NRG3: variants seen among roughly 807,000 people sequenced by gnomAD.
NRG3 encodes the protein pro-neuregulin-3, membrane-bound isoform.
A neutral mutation model predicts 66.9 loss-of-function variants in NRG3; 31 were observed. The observed-to-expected ratio is 0.46, with a 90% CI of 0.35 to 0.63. The LOEUF (loss-of-function observed/expected upper bound fraction) is 0.63, where lower values mean the gene tolerates loss of function less well. Ranked by LOEUF, NRG3 falls within the 20% of genes least tolerant of loss-of-function variation. The pLI, the probability that NRG3 is intolerant of heterozygous loss-of-function variation, is 0.00. For missense variants in NRG3, 910 were observed against 878.9 expected (o/e 1.04, Z -0.45); for synonymous variants, 393 against 359.4 (o/e 1.09, Z -1.06).
At chr10:82,367,145 C>T (rs147712608) in intron 2 of NRG3, among the ~76,000 whole-genome samples, 14 of 152,156 alleles carry the variant, frequency 9.2e-5, no homozygotes, top group East Asian at 1.9e-4. Flanking sequence ...CACACGGAGA[C>T]GTGCACACAC....
At chr10:82,815,915 C>A (rs1158130879) in intron 3 of NRG3, among the ~76,000 whole-genome samples, 8 of 152,164 alleles carry the variant, frequency 5.3e-5, no homozygotes, top group Non-Finnish European at 1.2e-4. Context: ...GCAGGGCAGG[C>A]AGCTCCAGGC....
chr10:82,726,477 TATAA>T (rs1237325113), intron 2 of NRG3, among the ~76,000 whole-genome samples: 2 of 152,150 alleles, frequency 1.3e-5, no homozygotes, highest in Non-Finnish European at 2.9e-5. Flanking sequence ...CTGATGGTTT[TATAA>T]ATGGGAGTTG....
At chr10:82,445,288 A>G (rs1187668808) in intron 2 of NRG3, among the ~76,000 whole-genome samples, 1 of 152,158 alleles carries the variant, frequency 6.6e-6, no homozygotes, top group Non-Finnish European at 1.5e-5. Context: ...CAAGGACATA[A>G]ACATTTGAAG....
chr10:82,643,896 A>ACGCG (rs1443145279), intron 2 of NRG3, among the ~76,000 whole-genome samples: 870 of 19,580 alleles, frequency 0.044, 13 homozygotes, highest in African/African-American at 0.24. Context: ...GCACACACAC[A>ACGCG]CACACACCCA....
intron 4 of NRG3, among the ~76,000 whole-genome samples, chr10:82,888,685 G>A (rs1253998881): frequency 6.6e-6 from 1 of 152,072 alleles, no homozygotes; most frequent in Non-Finnish European, 1.5e-5. Context: ...TATTCTAGCA[G>A]GGGAGACTAA....
At chr10:82,122,031 G>C (rs1256909515) in intron 1 of NRG3, among the ~76,000 whole-genome samples, 1 of 152,082 alleles carries the variant, frequency 6.6e-6, no homozygotes, top group African/African-American at 2.4e-5. Context: ...GTATGACCTT[G>C]AGTAAGTCAT....
intron 2 of NRG3, among the ~76,000 whole-genome samples, chr10:82,459,089 A>G (rs2091400188): frequency 6.6e-6 from 1 of 151,780 alleles, no homozygotes; most frequent in Non-Finnish European, 1.5e-5. Context: ...TCTTGTCCAT[A>G]CTCCTGTACC....
intron 1 of NRG3, among the ~76,000 whole-genome samples, chr10:82,236,350 C>T (rs556827338): frequency 6.6e-6 from 1 of 152,296 alleles, no homozygotes; most frequent in East Asian, 1.9e-4. Context: ...GCGACTTCCA[C>T]TCCAAAATGC....
chr10:82,615,191 C>A (rs1435499569), intron 2 of NRG3, among the ~76,000 whole-genome samples: 3 of 152,122 alleles, frequency 2.0e-5, no homozygotes, highest in Admixed American at 6.5e-5. Flanking sequence ...ACTGGCAGAG[C>A]TGTTTCAGTC....
At chr10:82,619,891 A>G (rs2048923702) in intron 2 of NRG3, among the ~76,000 whole-genome samples, 1 of 152,200 alleles carries the variant, frequency 6.6e-6, no homozygotes, top group African/African-American at 2.4e-5. Flanking sequence ...AATGCAAGTA[A>G]ATAAATTTGT....
At position 81,878,620 on chromosome 10, in the gene NRG3, C is replaced by T. The variant is rs985402525; in HGVS notation, c.823+2457C>T. 2.0e-5 allele frequency among the ~76,000 whole-genome samples: 3 copies of T among 152,048 alleles called. No individual in the cohort carries two copies. The South Asian group carries it at 6.2e-4, about 31-fold the overall frequency. On this transcript the variant is annotated intron_variant, in intron 1 of 8. Coordinates refer to ENST00000372141, the MANE Select transcript of NRG3 (RefSeq NM_001010848.4). ...TTTTTTTTACTTGTCTTGATTATGC[C>T]CGTAAAGTTCCCAGGAGAGAAATTT...
intron 4 of NRG3, among the ~76,000 whole-genome samples, chr10:82,883,420 A>G (rs1842464351): frequency 6.6e-6 from 1 of 152,202 alleles, no homozygotes. Context: ...TCATGAAGTC[A>G]TAGATTCCTG....
chr10:82,780,063 A>G (rs1414955103), intron 3 of NRG3, among the ~76,000 whole-genome samples: 1 of 152,150 alleles, frequency 6.6e-6, no homozygotes, highest in Non-Finnish European at 1.5e-5. Context: ...ATCCTTTCTT[A>G]TGGCTGCATA....
intron 1 of NRG3, among the ~76,000 whole-genome samples, chr10:82,336,322 C>T (rs1679013271): frequency 2.0e-5 from 3 of 152,044 alleles, no homozygotes; most frequent in Admixed American, 2.0e-4. Flanking sequence ...TGTTTTCCTA[C>T]TTTGTAGTGC....
intron 1 of NRG3, among the ~76,000 whole-genome samples, chr10:82,150,978 G>C (rs1452281023): frequency 6.6e-6 from 1 of 152,136 alleles, no homozygotes; most frequent in Non-Finnish European, 1.5e-5. Flanking sequence ...TAGGAAAAAA[G>C]AAAAATGACA....
intron 1 of NRG3, among the ~76,000 whole-genome samples, chr10:82,257,279 A>T (rs61370059): frequency 0.017 from 2,604 of 152,232 alleles, 80 homozygotes; most frequent in African/African-American, 0.059. Context: ...TGGGGAAAAA[A>T]AACTTTTCTT....
At chr10:82,902,111 T>G (rs1379962562) in intron 4 of NRG3, among the ~76,000 whole-genome samples, 1 of 152,180 alleles carries the variant, frequency 6.6e-6, no homozygotes, top group Non-Finnish European at 1.5e-5. Context: ...TCATATACTA[T>G]GTACATCATG....
chr10:82,954,800 T>TTGTGTGTG (rs113113874), intron 5 of NRG3, among the ~76,000 whole-genome samples: 3 of 147,084 alleles, frequency 2.0e-5, no homozygotes, highest in African/African-American at 7.6e-5. Flanking sequence ...CTGGCACAAG[T>TTGTGTGTG]TGTGTGTGTG....
chr10:82,204,393 C>T (rs983198521), intron 1 of NRG3, among the ~76,000 whole-genome samples: 5 of 152,216 alleles, frequency 3.3e-5, no homozygotes, highest in Non-Finnish European at 1.5e-5. Flanking sequence ...TAGCTCTCAT[C>T]AGTGGGCTCC....
Sources: allele counts gnomAD v4.1 joint callset (sites outside exome capture counted in the v4.1 genomes callset), GRCh38; gene constraint gnomAD v4.1.1; transcripts MANE v1.5; gene names NCBI Gene and HGNC (gene_info 2026-07-23, HGNC 2026-07-21).